The following CLDN10 variants were observed in gnomAD, a reference collection of about 807,000 sequenced individuals.
The protein encoded by CLDN10 is claudin-10.
A neutral mutation model predicts 22.9 loss-of-function variants in CLDN10; 15 were observed. The observed-to-expected ratio is 0.65, with a 90% CI of 0.44 to 1.01. The LOEUF (loss-of-function observed/expected upper bound fraction) is 1.01, where lower values mean the gene tolerates loss of function less well. Ranked by LOEUF, CLDN10 falls within the 50% of genes least tolerant of loss-of-function variation. The pLI is 0.00. For missense variants in CLDN10, 247 were observed against 287.8 expected (o/e 0.86, Z 1.03); for synonymous variants, 114 against 111.4 (o/e 1.02, Z -0.15).
chr13:95,470,951 G>A (rs2139100983), intron 1 of CLDN10, among the ~76,000 whole-genome samples: 1 of 152,300 alleles, frequency 6.6e-6, no homozygotes, highest in South Asian at 2.1e-4. Flanking sequence ...GCCCGGCTCT[G>A]AGATAGGTGC....
rs979035793 is a variant in CLDN10, at chr13:95,508,899, T to C, written c.215-51233T>C. On this transcript the variant is annotated intron_variant, in intron 1 of 4. Transcript: ENST00000376873. ...ATGAGCGTTGTTTCATAAGGCCTTGTGGGTTGACAAGAAGAGTCTGAACTT... is the reference window on the plus strand; with the variant it reads ...ATGAGCGTTGTTTCATAAGGCCTTGCGGGTTGACAAGAAGAGTCTGAACTT... 3.9e-5 allele frequency among the ~76,000 whole-genome samples: 6 copies of C among 152,234 alleles called. No individual in the cohort carries two copies. The South Asian group carries it at 1.2e-3, about 32-fold the overall frequency.
chr13:95,569,102 T>C (rs1445279887), intron 3 of CLDN10, among the ~76,000 whole-genome samples: 3 of 152,230 alleles, frequency 2.0e-5, no homozygotes, highest in African/African-American at 7.2e-5. Context: ...AAATGCTAGC[T>C]ACTATTTTTA....
chr13:95,552,953 C>G lies in CLDN10; in HGVS notation c.200C>G (p.Pro67Arg), dbSNP rs576857690. ...STGVSNCKDF[P>R]SMLALDGYIQ... is the part of the protein sequence containing the mutation. The stretch of plus-strand genomic sequence containing the variant: ...GGCGTCTCCAACTGCAAGGACTTCC[C>G]CTCCATGCTGGCGCTGGACGGTCTG... Residue 67 changes from proline (P) to arginine (R), a missense_variant, in exon 1 of 5, where the codon CCC becomes CGC. Pro to Arg is a moderately radical substitution (Grantham distance 103). Transcript: ENST00000299339. The G allele has an allele frequency of 6.2e-6, 10 of 1,614,032 alleles. No homozygotes were observed. The highest frequency in any genetic ancestry group is 3.3e-5 in the Admixed American group (2 of 60,026).
intron 1 of CLDN10, among the ~76,000 whole-genome samples, chr13:95,545,878 G>A (rs539405210): frequency 2.6e-5 from 4 of 152,120 alleles, no homozygotes; most frequent in Non-Finnish European, 4.4e-5. Context: ...GGCTAGCTCC[G>A]TTTGGCTGAG....
At chr13:95,543,005 G>A (rs1229013300) in intron 1 of CLDN10, among the ~76,000 whole-genome samples, 1 of 152,076 alleles carries the variant, frequency 6.6e-6, no homozygotes, top group African/African-American at 2.4e-5. Context: ...GCCAAGGCAG[G>A]TGGATCACCT....
chr13:95,497,909 T>C (rs1232459098), intron 1 of CLDN10, among the ~76,000 whole-genome samples: 1 of 152,184 alleles, frequency 6.6e-6, no homozygotes, highest in Admixed American at 6.5e-5. Flanking sequence ...GATGTTGAAC[T>C]TAAAGGTTTA....
chr13:95,501,722 T>TA (rs1487723387), intron 1 of CLDN10, among the ~76,000 whole-genome samples: 2 of 152,204 alleles, frequency 1.3e-5, no homozygotes, highest in Non-Finnish European at 2.9e-5. Context: ...TTTTATCTTT[T>TA]AAAAAAATCT....
Position 95,463,288 on chromosome 13 carries a change from A to ATATATAT in CLDN10, c.214+29242_214+29248dup, listed in dbSNP as rs1316239142. On this transcript the variant is annotated intron_variant, in intron 1 of 4. Transcript: ENST00000376873. Reference sequence around the variant, plus strand: ...TGAGTCAAAAGTGCAAATGCTTAATATATATATATATATATATATATATAT... The same window carrying ATATATAT: ...TGAGTCAAAAGTGCAAATGCTTAATATATATATTATATATATATATATATATATATAT... 1.5e-4 allele frequency among the ~76,000 whole-genome samples: 3 copies of ATATATAT among 19,868 alleles called. No individual in the cohort carries two copies. In the African/African-American group the frequency reaches 1.6e-3, roughly 10 times the overall value. The allele number at this position is 19,868 out of a possible 152,430, so 13.0% of individuals were successfully genotyped here.
chr13:95,574,146 G>A (rs186859693), intron 3 of CLDN10, among the ~76,000 whole-genome samples: 1 of 152,190 alleles, frequency 6.6e-6, no homozygotes, highest in Non-Finnish European at 1.5e-5. Context: ...TTGGTTCCAA[G>A]TCTTTGCTAT....
chr13:95,440,894 T>C (rs1376988635), intron 1 of CLDN10, among the ~76,000 whole-genome samples: 3 of 152,232 alleles, frequency 2.0e-5, no homozygotes, highest in Non-Finnish European at 4.4e-5. Flanking sequence ...ATGACCTCAA[T>C]TGCCATAGCA....
intron 1 of CLDN10, among the ~76,000 whole-genome samples, chr13:95,460,646 G>A (rs1286578970): frequency 6.6e-6 from 1 of 152,084 alleles, no homozygotes; most frequent in Non-Finnish European, 1.5e-5. Context: ...GATTTTACGA[G>A]GATTATGGGG....
intron 1 of CLDN10, among the ~76,000 whole-genome samples, chr13:95,456,678 G>A (rs1348693705): frequency 6.6e-6 from 1 of 152,182 alleles, no homozygotes; most frequent in Non-Finnish European, 1.5e-5. Context: ...GATTGCTTGA[G>A]CCTAGGAATT....
At position 95,575,163 on chromosome 13, in the gene CLDN10, A is replaced by G. The variant is rs552139107; in HGVS notation, c.465-2068A>G. Reference sequence around the variant, plus strand: ...CATATTTACACTAAGAGTAATATTAAGGTATAGTTTCAGGAGAGAAGATAG... The same window carrying G: ...CATATTTACACTAAGAGTAATATTAGGGTATAGTTTCAGGAGAGAAGATAG... On this transcript the variant is annotated intron_variant, in intron 3 of 4. Coordinates refer to ENST00000299339, the MANE Select transcript of CLDN10 (RefSeq NM_006984.5). Among the ~76,000 whole-genome samples the G allele has an allele frequency of 2.0e-5, 3 of 152,344 alleles. No individual in the cohort carries two copies. In the South Asian group the frequency reaches 6.2e-4, roughly 32 times the overall value.
intron 1 of CLDN10, among the ~76,000 whole-genome samples, chr13:95,441,442 C>T (rs1429519951): frequency 3.3e-5 from 5 of 152,130 alleles, no homozygotes; most frequent in African/African-American, 1.2e-4. Context: ...GGGAATCTCA[C>T]TGTGTTGCCC....
chr13:95,478,930 A>G (rs1020960254), intron 1 of CLDN10, among the ~76,000 whole-genome samples: 1 of 152,214 alleles, frequency 6.6e-6, no homozygotes, highest in African/African-American at 2.4e-5. Flanking sequence ...CAGGGCTGCA[A>G]CTGCAGCCTA....
chr13:95,473,876 G>T (rs1271971466), intron 1 of CLDN10, among the ~76,000 whole-genome samples: 2 of 152,162 alleles, frequency 1.3e-5, no homozygotes, highest in Non-Finnish European at 2.9e-5. Context: ...TGCCCTGAAG[G>T]GGCTCGCCCA....
chr13:95,525,102 C>A (rs947892565), intron 1 of CLDN10, among the ~76,000 whole-genome samples: 4 of 152,080 alleles, frequency 2.6e-5, no homozygotes, highest in African/African-American at 9.7e-5. Context: ...CAGGTGATTG[C>A]CCGCCTCGGC....
intron 1 of CLDN10, among the ~76,000 whole-genome samples, chr13:95,488,508 C>T (rs2042830795): frequency 2.0e-5 from 2 of 100,090 alleles, no homozygotes; most frequent in African/African-American, 1.1e-4. Flanking sequence ...TCTTTTATCC[C>T]TTGCCCCCTC....
intron 1 of CLDN10, among the ~76,000 whole-genome samples, chr13:95,440,973 C>T (rs1285533790): frequency 2.6e-5 from 4 of 152,202 alleles, no homozygotes; most frequent in Non-Finnish European, 4.4e-5. Flanking sequence ...GCATCAGAAA[C>T]TTTTTAAGAC....
Sources: gnomAD v4.1 joint callset for allele counts (sites outside exome capture counted in the v4.1 genomes callset) on GRCh38, gnomAD v4.1.1 for gene constraint, MANE v1.5 for transcripts, NCBI Gene and HGNC (gene_info 2026-07-23, HGNC 2026-07-21) for gene names.